Variants in NIPA1 observed in about 807,000 individuals in gnomAD.
NIPA1 encodes magnesium transporter NIPA1.
In NIPA1, 13 loss-of-function variants were observed where a neutral mutation model predicts 23.9. The ratio of observed to expected loss-of-function variants is 0.54; its 90% CI spans 0.35 to 0.87. The LOEUF is 0.87. Ranked by LOEUF, NIPA1 falls within the 40% of genes least tolerant of loss-of-function variation. The probability of loss-of-function intolerance (pLI) is 0.01; values close to 1 mark genes in which losing one functional copy is unlikely to be tolerated. For synonymous variants in NIPA1, 234 were observed against 202.9 expected, an observed-to-expected ratio of 1.15 and a Z score of -1.30; for missense variants, 362 against 429.7, an observed-to-expected ratio of 0.84 and a Z score of 1.39.
At chr15:22,816,011 T>G (rs750574924) in intron 3 of NIPA1, among the ~76,000 whole-genome samples, 30 of 152,108 alleles carry the variant, frequency 2.0e-4, no homozygotes, top group Non-Finnish European at 3.5e-4. Context: ...AGGGTTGATG[T>G]TTTCCCCTTA....
In NIPA1 at chr15:22,824,585, TAC is replaced by T. The variant is rs1218615742; in HGVS notation, c.*348_*349del. 2 of 319,910 alleles carry T rather than the reference TAC, an allele frequency of 6.3e-6. No individual in the cohort carries two copies. The highest frequency in any genetic ancestry group is 1.2e-5 in the Non-Finnish European group (2 of 168,010). The allele number at this position is 319,910 out of a possible 1,614,324, so 19.8% of individuals were successfully genotyped here. On this transcript the variant is annotated 3_prime_UTR_variant, in exon 5 of 5. Transcript: ENST00000337435. The surrounding 1 kb of genome is among the most constrained non-coding windows in gnomAD (Gnocchi z 4.1). ...AGATGGGCTCTTTCTGGTTAGTTGT[TAC>T]ATGATAGCAGAGATATTTTTACTTA...
chr15:22,793,077 C>T (rs546509707), intron 1 of NIPA1, among the ~76,000 whole-genome samples: 7 of 151,382 alleles, frequency 4.6e-5, no homozygotes, highest in Admixed American at 2.0e-4. Context: ...CCCGGGCGTG[C>T]GGTGGCTCAT....
intron 1 of NIPA1, among the ~76,000 whole-genome samples, chr15:22,809,375 A>T (rs141110211): frequency 2.6e-5 from 4 of 152,054 alleles, no homozygotes; most frequent in Admixed American, 6.6e-5. Flanking sequence ...CGACAGAGTG[A>T]TACTCCATCT....
At chr15:22,786,529 C>CGCCCCT (rs35820580), upstream of NIPA1, 4 of 183,012 alleles carry the variant, frequency 2.2e-5, no homozygotes, top group African/African-American at 9.5e-5. Context: ...GTCCCGCCCC[C>CGCCCCT]GCCCCTCTTC....
chr15:22,828,766 T>G lies in NIPA1; in HGVS notation c.*4527T>G, dbSNP rs1028639495. 6.6e-6 allele frequency: 1 copy of G among 152,630 alleles called. No individual in the cohort carries two copies. The highest frequency in any genetic ancestry group is 1.5e-5 in the Non-Finnish European group (1 of 68,046). The allele number at this position is 152,630 out of a possible 1,614,324, so 9.5% of individuals were successfully genotyped here. A position where few individuals can be genotyped will look rare whatever the true frequency, so the allele number is the denominator to read the frequency against. On this transcript the variant is annotated 3_prime_UTR_variant, in exon 5 of 5. Transcript: ENST00000337435. The stretch of plus-strand genomic sequence containing the variant: ...GAGGATGTTTTTCTTCTTTTCTCTA[T>G]TTTTCCCTAAATTGTGCAAACATAG...
At chr15:22,788,102 CA>C (rs1894747926) in intron 1 of NIPA1, among the ~76,000 whole-genome samples, 2 of 152,084 alleles carry the variant, frequency 1.3e-5, no homozygotes, top group African/African-American at 4.8e-5. Flanking sequence ...GTGAGATGGT[CA>C]ACGCGCGTGA....
Position 22,807,782 on chromosome 15 carries a change from T to TTGTGTG in NIPA1, c.179-2950_179-2945dup, listed in dbSNP as rs71117484. Reference sequence around the variant, plus strand: ...TAATTTCCACAGAGTTTAAATTCACTTGTGTGTGTGTGTGTGTGTGTGATG... The same window carrying TTGTGTG: ...TAATTTCCACAGAGTTTAAATTCACTTGTGTGTGTGTGTGTGTGTGTGTGTGTGATG... On this transcript the variant is annotated intron_variant, in intron 1 of 4. Coordinates refer to ENST00000337435, the MANE Select transcript of NIPA1 (RefSeq NM_144599.5). Among the ~76,000 whole-genome samples the TTGTGTG allele has an allele frequency of 7.6e-3, 1,114 of 145,918 alleles. 15 individuals are homozygous for TTGTGTG. The highest frequency in any genetic ancestry group is 0.026 in the African/African-American group (983 of 38,048).
chr15:22,820,540 C>G, intron 4 of NIPA1, 67 bp downstream of exon 4: 1 of 1,180,800 alleles, frequency 8.5e-7, no homozygotes, highest in South Asian at 1.2e-5. Context: ...TTAACCACGT[C>G]TTCAAATTGG....
chr15:22,790,788 T>C (rs1396025955), intron 1 of NIPA1, among the ~76,000 whole-genome samples: 1 of 152,056 alleles, frequency 6.6e-6, no homozygotes, highest in Non-Finnish European at 1.5e-5. Flanking sequence ...CTACTCGCCA[T>C]AAAATCCTTT....
intron 3 of NIPA1, among the ~76,000 whole-genome samples, chr15:22,818,419 A>G (rs144380146): frequency 4.7e-5 from 7 of 149,352 alleles, no homozygotes; most frequent in Non-Finnish European, 1.0e-4. Flanking sequence ...CTGGGCACCA[A>G]GAGGGAAACT....
chr15:22,804,471 TTGTC>T (rs1242271306), intron 1 of NIPA1, among the ~76,000 whole-genome samples: 1 of 152,098 alleles, frequency 6.6e-6, no homozygotes, highest in Non-Finnish European at 1.5e-5. Flanking sequence ...GAAGTCTAAT[TTGTC>T]TGTTTTTTTC....
chr15:22,798,849 A>AC (rs890430811), intron 1 of NIPA1, among the ~76,000 whole-genome samples: 6 of 151,352 alleles, frequency 4.0e-5, no homozygotes, highest in Middle Eastern at 3.4e-3. Context: ...AAAAAAAAAA[A>AC]AAAAAAAAAA....
chr15:22,820,431 G>A lies in NIPA1; in HGVS notation c.436G>A (p.Val146Met), dbSNP rs1895513364. Reference sequence around the variant, plus strand: ...TATCCACTCCCCAAAGTCTGAGAGTGTGACAACTCAGGCTGAGCTGGAGGA... The same window carrying A: ...TATCCACTCCCCAAAGTCTGAGAGTATGACAACTCAGGCTGAGCTGGAGGA... The part of the protein sequence containing the change: ...LIIHSPKSES[V>M]TTQAELEEKL... The change falls in exon 4 of 5, where the codon GTG becomes ATG. Residue 146 changes from valine to methionine, a missense_variant. By Grantham distance (21) the Val-to-Met change is conservative. Transcript: ENST00000337435. 1 of 1,613,122 alleles carries A rather than the reference G, an allele frequency of 6.2e-7. No homozygotes were observed. The highest frequency in any genetic ancestry group is 1.7e-5 in the Admixed American group (1 of 59,994).
chr15:22,794,968 G>A (rs1191951543), intron 1 of NIPA1, among the ~76,000 whole-genome samples: 2 of 152,038 alleles, frequency 1.3e-5, no homozygotes, highest in Non-Finnish European at 2.9e-5. Flanking sequence ...GGGCTGTCAC[G>A]TGTCCACTGG....
intron 4 of NIPA1, 117 bp from the exon 5 acceptor site, chr15:22,823,611 C>T (rs977235306): frequency 7.3e-5 from 72 of 982,352 alleles, no homozygotes; most frequent in East Asian, 1.3e-4. Flanking sequence ...AGGGCTGTGC[C>T]GCAGTAGAGG....
Position 22,823,854 on chromosome 15 carries a change from C to A in NIPA1, c.605C>A (p.Thr202Asn). The change falls in exon 5 of 5, where the codon ACC (threonine) becomes AAC (asparagine). Residue 202 changes from threonine (T) to asparagine (N), a missense_variant. Thr to Asn is a moderately conservative substitution (Grantham distance 65). Coordinates refer to ENST00000337435, the MANE Select transcript of NIPA1 (RefSeq NM_144599.5). Reference protein sequence around the residue: ...ISICSLLGSFTVPSTKGIGLA... With the variant: ...ISICSLLGSFNVPSTKGIGLA... ...ATCTGCTCCTTGCTGGGCAGTTTCA[C>A]CGTGCCTTCCACCAAGGGCATCGGG... The A allele has an allele frequency of 6.2e-7, 1 of 1,614,156 alleles. No homozygotes were observed. The highest frequency in any genetic ancestry group is 8.5e-7 in the Non-Finnish European group (1 of 1,179,984).
chr15:22,797,298 C>T (rs1008576683), intron 1 of NIPA1, among the ~76,000 whole-genome samples: 3 of 151,840 alleles, frequency 2.0e-5, no homozygotes, highest in African/African-American at 2.4e-5. Flanking sequence ...CAAGCTCTGT[C>T]TCCCGGGTTC....
chr15:22,794,276 C>T lies in NIPA1; in HGVS notation c.178+7442C>T, dbSNP rs1894897273. Among the ~76,000 whole-genome samples the T allele has an allele frequency of 6.4e-5, 9 of 140,948 alleles. No homozygotes were observed. The South Asian group carries it at 2.0e-3, about 31-fold the overall frequency. The allele number at this position is 140,948 out of a possible 152,430, so 92.5% of individuals were successfully genotyped here. On this transcript the variant is annotated intron_variant, in intron 1 of 4. Coordinates refer to ENST00000337435, the MANE Select transcript of NIPA1 (RefSeq NM_144599.5). ...ATCACAAATGACAAAGCCGGTGATT[C>T]CGCTTATGTGAGGCACCCACTGCAG...
chr15:22,789,153 C>T (rs571232554), intron 1 of NIPA1, among the ~76,000 whole-genome samples: 2 of 151,558 alleles, frequency 1.3e-5, no homozygotes, highest in African/African-American at 2.4e-5. Flanking sequence ...CCATATCTGG[C>T]TAATTTTGTG....
Sources: allele counts gnomAD v4.1 joint callset (sites outside exome capture counted in the v4.1 genomes callset), GRCh38; gene constraint gnomAD v4.1.1; non-coding constraint Gnocchi (gnomAD v3.1); transcripts MANE v1.5; gene names NCBI Gene and HGNC (gene_info 2026-07-23, HGNC 2026-07-21).